Variants in DOCK1 observed in about 807,000 individuals in gnomAD.
The protein encoded by DOCK1 is dedicator of cytokinesis 1.
In DOCK1, 138 loss-of-function variants were observed where a neutral mutation model predicts 262.7. The observed-to-expected ratio is 0.53, with a 90% CI of 0.46 to 0.61. DOCK1 has a LOEUF of 0.61. DOCK1 is among the 20% of genes least tolerant of loss of function. The pLI is 0.00. For missense variants in DOCK1, 1,908 were observed against 2,370.7 expected (o/e 0.80, Z 4.05); for synonymous variants, 866 against 867.4 (o/e 1.00, Z 0.03).
In DOCK1 at chr10:127,106,213, T is replaced by C. The variant is rs373747243; in HGVS notation, c.2446-18T>C. ...CTAACCTGCATGCTGCTCAGCCTTC[T>C]TGTTTCTTGATTTGCAGGGGGCAGC... On this transcript the variant is annotated intron_variant, in intron 23 of 51. Transcript: ENST00000623213. 4.4e-6 allele frequency: 7 copies of C among 1,574,078 alleles called. No individual in the cohort carries two copies. The highest frequency in any genetic ancestry group is 5.2e-6 in the Non-Finnish European group (6 of 1,157,704).
At chr10:127,046,757 CAAAAAAAAAA>C (rs5788823) in intron 21 of DOCK1, among the ~76,000 whole-genome samples, 1 of 73,348 alleles carries the variant, frequency 1.4e-5, no homozygotes, top group South Asian at 6.9e-4. Context: ...CACTACGTCT[CAAAAAAAAAA>C]AAAAAAAAAA....
At chr10:127,265,196 C>T (rs1357358608) in intron 29 of DOCK1, among the ~76,000 whole-genome samples, 1 of 152,164 alleles carries the variant, frequency 6.6e-6, no homozygotes, top group Admixed American at 6.5e-5. Flanking sequence ...TGACCTGATC[C>T]ATTCAGTCTT....
intron 27 of DOCK1, among the ~76,000 whole-genome samples, chr10:127,245,022 A>T (rs892350463): frequency 3.3e-5 from 5 of 152,190 alleles, no homozygotes; most frequent in African/African-American, 7.2e-5. Context: ...CTAATAAATG[A>T]CTGGTTTCAA....
chr10:126,960,433 C>T (rs942061489), intron 1 of DOCK1, among the ~76,000 whole-genome samples: 19 of 150,884 alleles, frequency 1.3e-4, no homozygotes, highest in Non-Finnish European at 2.1e-4. Flanking sequence ...AGTCGCCTGG[C>T]GGTATATTGT....
intron 38 of DOCK1, among the ~76,000 whole-genome samples, chr10:127,393,767 G>A (rs1040861736): frequency 4.6e-5 from 7 of 152,042 alleles, no homozygotes; most frequent in Non-Finnish European, 7.4e-5. Context: ...CCTTTCCACC[G>A]TTTTTTAAAG....
chr10:127,233,384 A>G (rs2058927419), intron 27 of DOCK1, among the ~76,000 whole-genome samples: 1 of 152,238 alleles, frequency 6.6e-6, no homozygotes, highest in Admixed American at 6.5e-5. Context: ...ACAAACAAAT[A>G]TATAGCTACA....
At chr10:126,918,909 G>A (rs11245233) in intron 1 of DOCK1, among the ~76,000 whole-genome samples, 78,979 of 144,826 alleles carry the variant, frequency 0.55, 21,307 homozygotes, top group Non-Finnish European at 0.59. Flanking sequence ...CGGACAGGTG[G>A]GCACGGAGGA....
rs549781311 is a variant in DOCK1, at chr10:126,924,568, G to T, written c.46+19005G>T. On this transcript the variant is annotated intron_variant, in intron 1 of 51. Coordinates refer to ENST00000623213, the MANE Select transcript of DOCK1 (RefSeq NM_001290223.2). Reference sequence around the variant, plus strand: ...ACGGCCCTTGAAACGGCAGGGTGGGGAGAGTTGACCAAAAGGTTAAAAAGC... The same window carrying T: ...ACGGCCCTTGAAACGGCAGGGTGGGTAGAGTTGACCAAAAGGTTAAAAAGC... 3.8e-3 allele frequency among the ~76,000 whole-genome samples: 585 copies of T among 152,308 alleles called. 4 individuals are homozygous for T. Among genetic ancestry groups the T allele is most frequent in the Non-Finnish European group, 6.7e-3 (453 of 68,018 alleles).
intron 1 of DOCK1, among the ~76,000 whole-genome samples, chr10:126,970,369 G>A (rs1452979945): frequency 6.6e-6 from 1 of 152,096 alleles, no homozygotes; most frequent in Non-Finnish European, 1.5e-5. Flanking sequence ...TTCACTCCAT[G>A]TGCAATTGAT....
intron 29 of DOCK1, among the ~76,000 whole-genome samples, chr10:127,328,501 C>CCATT (rs755391711): frequency 1.7e-4 from 26 of 152,184 alleles, no homozygotes; most frequent in Non-Finnish European, 5.9e-5. Flanking sequence ...AGACCAGGGG[C>CCATT]CATTGCCTGC....
At chr10:126,909,413 T>G (rs927564104) in intron 1 of DOCK1, among the ~76,000 whole-genome samples, 6 of 152,120 alleles carry the variant, frequency 3.9e-5, no homozygotes, top group African/African-American at 2.4e-5. Context: ...AGATAATACA[T>G]TTGTGTGGTT....
At chr10:126,959,910 C>T (rs1212286776) in intron 1 of DOCK1, among the ~76,000 whole-genome samples, 3 of 152,074 alleles carry the variant, frequency 2.0e-5, no homozygotes, top group East Asian at 1.9e-4. Context: ...CCCCGCCTCC[C>T]GGGTTTCTCC....
intron 22 of DOCK1, among the ~76,000 whole-genome samples, chr10:127,055,896 C>T (rs1253305321): frequency 6.6e-6 from 1 of 152,194 alleles, no homozygotes; most frequent in African/African-American, 2.4e-5. Flanking sequence ...CTCTGAATGC[C>T]TGCATTCTGG....
chr10:127,283,941 C>G (rs2061056111), intron 29 of DOCK1, among the ~76,000 whole-genome samples: 1 of 152,096 alleles, frequency 6.6e-6, no homozygotes, highest in Non-Finnish European at 1.5e-5. Context: ...AAATTGCTTT[C>G]CAAAAGGATT....
intron 27 of DOCK1, among the ~76,000 whole-genome samples, chr10:127,156,007 T>A (rs2133563405): frequency 6.6e-6 from 1 of 152,342 alleles, no homozygotes; most frequent in East Asian, 1.9e-4. Context: ...CTATATGTGC[T>A]AGTCATATCC....
chr10:127,300,402 G>A (rs2061641627), intron 29 of DOCK1, among the ~76,000 whole-genome samples: 2 of 152,114 alleles, frequency 1.3e-5, no homozygotes, highest in African/African-American at 2.4e-5. Flanking sequence ...AGACAATGAT[G>A]GCCAAGTAGA....
chr10:126,996,613 A>G lies in DOCK1; in HGVS notation c.474-135A>G, dbSNP rs527403442. 44 of 751,356 alleles carry G rather than the reference A, an allele frequency of 5.9e-5. No individual in the cohort carries two copies. In the African/African-American group the frequency reaches 7.3e-4, roughly 12 times the overall value. The allele number at this position is 751,356 out of a possible 1,614,324, so 46.5% of individuals were successfully genotyped here. A position where few individuals can be genotyped will look rare whatever the true frequency, so the allele number is the denominator to read the frequency against. On this transcript the variant is annotated intron_variant, in intron 6 of 51. Coordinates refer to ENST00000623213, the MANE Select transcript of DOCK1 (RefSeq NM_001290223.2). ...AAAGAAAGCAGCCTCCAAGAATTTT[A>G]TATTCCTAATATTTTGGGCAAGCCC...
intron 38 of DOCK1, among the ~76,000 whole-genome samples, chr10:127,397,019 G>T: frequency 7.3e-6 from 1 of 136,696 alleles, no homozygotes; most frequent in African/African-American, 3.0e-5. Context: ...TATGTGATCT[G>T]AGCATGAGTT....
At chr10:126,906,515 C>T (rs555145003) in intron 1 of DOCK1, among the ~76,000 whole-genome samples, 13 of 152,312 alleles carry the variant, frequency 8.5e-5, no homozygotes, top group African/African-American at 2.6e-4. Context: ...TTGCTATTCC[C>T]CGTCCCACCA....
Sources: allele counts gnomAD v4.1 joint callset (sites outside exome capture counted in the v4.1 genomes callset), GRCh38; gene constraint gnomAD v4.1.1; transcripts MANE v1.5; gene names NCBI Gene and HGNC (gene_info 2026-07-23, HGNC 2026-07-21).